Variants in NRP1 observed in about 807,000 individuals in gnomAD.
NRP1 encodes neuropilin-1.
NRP1 carries 35 observed loss-of-function variants against 106.7 expected under a neutral mutation model. That is an observed-to-expected ratio of 0.33 (90% CI 0.25 to 0.43). The LOEUF (loss-of-function observed/expected upper bound fraction) is 0.43, where lower values mean the gene tolerates loss of function less well. NRP1 is among the 20% of genes least tolerant of loss of function. The probability of loss-of-function intolerance (pLI) is 1.00; values close to 1 mark genes in which losing one functional copy is unlikely to be tolerated. For synonymous variants in NRP1, 437 were observed against 417.9 expected (o/e 1.05, Z -0.56); for missense variants, 1,024 against 1,170.4 (o/e 0.87, Z 1.83).
At chr10:33,192,541 G>A in intron 12 of NRP1, 123 bp from the exon 13 acceptor site, 1 of 1,021,578 alleles carries the variant, frequency 9.8e-7, no homozygotes, top group East Asian at 2.6e-5. Flanking sequence ...ATGTCTGTTT[G>A]AAAATTCCAG....
chr10:33,202,814 A>G (rs755728569), intron 11 of NRP1, 77 bp downstream of exon 11: 1 of 1,613,366 alleles, frequency 6.2e-7, no homozygotes, highest in Non-Finnish European at 8.5e-7. Context: ...TTACAAGCAC[A>G]CACACAGGCG....
Position 33,263,732 on chromosome 10 carries a change from C to T in NRP1, c.572G>A (p.Ser191Asn), listed in dbSNP as rs1842733210. The T allele has an allele frequency of 6.2e-7, 1 of 1,613,974 alleles. No individual in the cohort carries two copies. Among genetic ancestry groups the T allele is most frequent in the Admixed American group, 1.7e-5 (1 of 60,000 alleles). Reference sequence around the variant, plus strand: ...ATTTGAGTCAGGCTCCAGGTCAAAGCTTTCAAATTCCAGGATAATCTCTGA... The same window carrying T: ...ATTTGAGTCAGGCTCCAGGTCAAAGTTTTCAAATTCCAGGATAATCTCTGA... ...KMSEIILEFE[S>N]FDLEPDSNPP... Residue 191 changes from serine to asparagine, a missense_variant, in exon 4 of 17, where the codon AGC becomes AAC. Around this residue, in one of 5 missense-constraint regions of NRP1, gnomAD observed 279 missense variants for 327.4 expected, o/e 0.85. Coordinates refer to ENST00000374867, the MANE Select transcript of NRP1 (RefSeq NM_003873.7).
rs1848502286 is a variant in NRP1 at position 33,334,506 on chromosome 10, C to T, written c.-124G>A. ...CCGCCTAGAGCTGTACAATCCTCAGCCCGTCTTGGAGAAAAGAAAGCAGCG... is the reference window on the plus strand; with the variant it reads ...CCGCCTAGAGCTGTACAATCCTCAGTCCGTCTTGGAGAAAAGAAAGCAGCG... On this transcript the variant is annotated 5_prime_UTR_variant, in exon 1 of 17. Transcript: ENST00000374867. The T allele has an allele frequency of 1.3e-6, 1 of 797,946 alleles. No homozygotes were observed. Among genetic ancestry groups the T allele is most frequent in the Non-Finnish European group, 2.0e-6 (1 of 509,702 alleles). The allele number at this position is 797,946 out of a possible 1,614,324, so 49.4% of individuals were successfully genotyped here.
chr10:33,207,345 T>C (rs1175745959), intron 10 of NRP1, among the ~76,000 whole-genome samples: 1 of 151,650 alleles, frequency 6.6e-6, no homozygotes, highest in Non-Finnish European at 1.5e-5. Context: ...CAATCTCATA[T>C]AATCCGAGGA....
chr10:33,331,471 T>TTGG (rs1178673455), intron 1 of NRP1, among the ~76,000 whole-genome samples: 1 of 152,222 alleles, frequency 6.6e-6, no homozygotes, highest in Non-Finnish European at 1.5e-5. Flanking sequence ...CAAAGTATAT[T>TTGG]TGGTGAAGCA....
chr10:33,193,779 G>A (rs924462432), intron 12 of NRP1, among the ~76,000 whole-genome samples: 2 of 152,114 alleles, frequency 1.3e-5, no homozygotes, highest in African/African-American at 2.4e-5. Flanking sequence ...ATTTTAATGG[G>A]AAGATTTATT....
chr10:33,244,919 T>C (rs767220845), intron 6 of NRP1, among the ~76,000 whole-genome samples: 1 of 152,210 alleles, frequency 6.6e-6, no homozygotes, highest in African/African-American at 2.4e-5. Flanking sequence ...ATCCCATCCT[T>C]ATTAGTGCAT....
intron 6 of NRP1, among the ~76,000 whole-genome samples, chr10:33,233,805 C>CA (rs1368226049): frequency 6.6e-6 from 1 of 152,042 alleles, no homozygotes; most frequent in East Asian, 1.9e-4. Flanking sequence ...TCTGATGACT[C>CA]AAAGAGCTGT....
intron 6 of NRP1, among the ~76,000 whole-genome samples, chr10:33,250,667 C>A (rs555739918): frequency 6.6e-6 from 1 of 152,234 alleles, no homozygotes; most frequent in Non-Finnish European, 1.5e-5. Context: ...TGGTCACTAA[C>A]TGTGACCTTG....
chr10:33,183,463 T>C (rs1397242934), intron 15 of NRP1, among the ~76,000 whole-genome samples: 5 of 152,240 alleles, frequency 3.3e-5, no homozygotes, highest in African/African-American at 1.2e-4. Context: ...CTATAGTTTG[T>C]AGATAACTGC....
chr10:33,302,682 T>C (rs888068756), intron 2 of NRP1, among the ~76,000 whole-genome samples: 15 of 152,152 alleles, frequency 9.9e-5, no homozygotes, highest in African/African-American at 3.6e-4. Flanking sequence ...GCAATGGCCC[T>C]GGCAGGGGTC....
At chr10:33,276,921 C>T (rs1189196783) in intron 2 of NRP1, among the ~76,000 whole-genome samples, 1 of 151,750 alleles carries the variant, frequency 6.6e-6, no homozygotes, top group Non-Finnish European at 1.5e-5. Context: ...AAGCAAGAAC[C>T]CCTAACCCCC....
intron 2 of NRP1, among the ~76,000 whole-genome samples, chr10:33,313,484 C>T (rs7086456): frequency 0.11 from 17,423 of 152,106 alleles, 1,231 homozygotes; most frequent in Non-Finnish European, 0.15. Flanking sequence ...GTAATGTATA[C>T]ATCTGCTACA....
At chr10:33,203,885 C>T (rs1434697197) in intron 10 of NRP1, among the ~76,000 whole-genome samples, 2 of 117,734 alleles carry the variant, frequency 1.7e-5, no homozygotes, top group African/African-American at 2.8e-5. Context: ...GGACTACAGG[C>T]GCCCGCCACC....
At chr10:33,290,656 A>G (rs767467078) in intron 2 of NRP1, among the ~76,000 whole-genome samples, 3 of 152,050 alleles carry the variant, frequency 2.0e-5, no homozygotes, top group Non-Finnish European at 2.9e-5. Context: ...GTATCAGTCA[A>G]TCCTTGTTTA....
intron 2 of NRP1, among the ~76,000 whole-genome samples, chr10:33,289,386 GTCTA>G (rs1285268598): frequency 1.3e-5 from 2 of 152,112 alleles, no homozygotes; most frequent in African/African-American, 4.8e-5. Context: ...TAGGTATTAC[GTCTA>G]TAAATCCCTA....
intron 3 of NRP1, among the ~76,000 whole-genome samples, chr10:33,267,561 A>C (rs1432884143): frequency 6.6e-6 from 1 of 152,218 alleles, no homozygotes; most frequent in Non-Finnish European, 1.5e-5. Context: ...CAAGTGACCA[A>C]GTCTGCCCTC....
At chr10:33,332,213 A>C (rs1427522711) in intron 1 of NRP1, among the ~76,000 whole-genome samples, 1 of 152,112 alleles carries the variant, frequency 6.6e-6, no homozygotes, top group Non-Finnish European at 1.5e-5. Context: ...TGTTCCTTAG[A>C]CTGGGGGTAG....
intron 2 of NRP1, among the ~76,000 whole-genome samples, chr10:33,291,116 C>T (rs1011259523): frequency 6.6e-6 from 1 of 152,138 alleles, no homozygotes; most frequent in Non-Finnish European, 1.5e-5. Context: ...AGAAAGCAAC[C>T]TTTATTCAGG....
Sources: allele counts gnomAD v4.1 joint callset (sites outside exome capture counted in the v4.1 genomes callset), GRCh38; gene constraint gnomAD v4.1.1; regional missense constraint gnomAD v4.1.1; transcripts MANE v1.5; gene names NCBI Gene and HGNC (gene_info 2026-07-23, HGNC 2026-07-21).